IPO11: variants seen among roughly 807,000 people sequenced by gnomAD.
IPO11 encodes the protein importin 11, also known as importin-11.
A neutral mutation model predicts 143.2 loss-of-function variants in IPO11; 66 were observed. The observed-to-expected ratio is 0.46, with a 90% confidence interval of 0.38 to 0.57. The LOEUF is 0.57. Ranked by LOEUF, IPO11 falls within the 20% of genes least tolerant of loss-of-function variation. The probability of loss-of-function intolerance (pLI) is 0.00; values close to 1 mark genes in which losing one functional copy is unlikely to be tolerated. For missense variants in IPO11, 1,026 were observed against 1,141.0 expected (o/e 0.90, Z 1.45); for synonymous variants, 385 against 377.8 (o/e 1.02, Z -0.22).
intron 5 of IPO11, among the ~76,000 whole-genome samples, chr5:62,462,869 G>A (rs762639234): frequency 2.0e-5 from 3 of 148,730 alleles, no homozygotes; most frequent in Non-Finnish European, 4.4e-5. Context: ...CTAGGGGATA[G>A]TTACTGTCAC....
chr5:62,586,768 A>AAAAATATATATATATATATAT (rs1554057003), intron 27 of IPO11, among the ~76,000 whole-genome samples: 1 of 28,918 alleles, frequency 3.5e-5, no homozygotes, highest in African/African-American at 1.3e-4. Flanking sequence ...AAAAAAAAAA[A>AAAAATATATATATATATATAT]ATATATATAT....
intron 19 of IPO11, among the ~76,000 whole-genome samples, chr5:62,510,484 C>A (rs1449617777): frequency 6.6e-6 from 1 of 152,116 alleles, no homozygotes; most frequent in East Asian, 1.9e-4. Flanking sequence ...GAATATTAGA[C>A]CTCTCCTTCT....
At chr5:62,580,020 G>A in intron 27 of IPO11, 1 of 1,551,186 alleles carries the variant, frequency 6.4e-7, no homozygotes, top group Non-Finnish European at 8.7e-7. Flanking sequence ...ACATTTTGAG[G>A]ATATCAGAAT....
At chr5:62,578,257 T>A (rs1373077396) in intron 27 of IPO11, among the ~76,000 whole-genome samples, 1 of 152,102 alleles carries the variant, frequency 6.6e-6, no homozygotes, top group Non-Finnish European at 1.5e-5. Flanking sequence ...CAGTATTTTT[T>A]GCAACCAAAA....
intron 23 of IPO11, 43 bp downstream of exon 23, chr5:62,536,824 T>C: frequency 7.2e-7 from 1 of 1,396,234 alleles, no homozygotes; most frequent in Non-Finnish European, 9.4e-7. Context: ...TATATAATTA[T>C]TATTTTGATT....
At chr5:62,500,706 C>T (rs946432415) in intron 16 of IPO11, among the ~76,000 whole-genome samples, 1 of 152,114 alleles carries the variant, frequency 6.6e-6, no homozygotes, top group African/African-American at 2.4e-5. Flanking sequence ...CTATGTTGCC[C>T]AGGCTGCTCT....
At chr5:62,436,672 T>G (rs1045458415) in intron 1 of IPO11, among the ~76,000 whole-genome samples, 2 of 152,212 alleles carry the variant, frequency 1.3e-5, no homozygotes, top group Admixed American at 6.5e-5. Context: ...ACTTAGGTTT[T>G]AGATTTTTGT....
rs1159526085 is a variant in IPO11 at position 62,628,249 on chromosome 5, G to T, written c.*931G>T. 1 of 152,326 alleles carries T rather than the reference G, an allele frequency of 6.6e-6. No individual in the cohort carries two copies. Among genetic ancestry groups the T allele is most frequent in the Non-Finnish European group, 1.5e-5 (1 of 68,028 alleles). 9.4% of individuals were successfully genotyped at this position (152,326 alleles called of 1,614,324 possible). ...GGGAGGATCCAGCAGTAATCCCCAG[G>T]GTACTAGGATTACTAGTACTCTGAT... On this transcript the variant is annotated 3_prime_UTR_variant, in exon 30 of 30. Transcript: ENST00000325324.
intron 9 of IPO11, among the ~76,000 whole-genome samples, chr5:62,477,699 T>A (rs1746009531): frequency 6.6e-6 from 1 of 152,260 alleles, no homozygotes; most frequent in Non-Finnish European, 1.5e-5. Context: ...TCACAGTCCC[T>A]ACTCACTATA....
intron 15 of IPO11, among the ~76,000 whole-genome samples, chr5:62,492,278 C>T (rs1457098274): frequency 2.6e-5 from 4 of 151,798 alleles, no homozygotes; most frequent in Non-Finnish European, 5.9e-5. Flanking sequence ...TTCTTTGGTG[C>T]TTTTACCTCA....
At chr5:62,517,979 A>G (rs1742082457) in intron 20 of IPO11, among the ~76,000 whole-genome samples, 1 of 151,990 alleles carries the variant, frequency 6.6e-6, no homozygotes, top group African/African-American at 2.4e-5. Flanking sequence ...CTTAAAATAT[A>G]TTTTTCAGCC....
intron 1 of IPO11, among the ~76,000 whole-genome samples, chr5:62,436,892 T>C (rs1173086351): frequency 6.6e-6 from 1 of 152,232 alleles, no homozygotes. Flanking sequence ...TTTAATACTT[T>C]TATAACACTT....
rs1170364787 is a variant in IPO11, at chr5:62,551,252, T to C, written c.2376T>C (p.Leu792=). 1.9e-6 allele frequency: 3 copies of C among 1,608,772 alleles called. No homozygotes were observed. Among genetic ancestry groups the C allele is most frequent in the Non-Finnish European group, 2.6e-6 (3 of 1,176,312 alleles). ...ERYPVVMSTY[L]GVMGRVLLQN... is the part of the protein sequence containing the mutation. ...ATCCTGTAGTGATGTCCACGTATCT[T>C]GGAGTTATGGGTCGAGTTCTACTAC... The change falls in exon 26 of 30, where the codon CTT becomes CTC. Residue 792 remains leucine (L), a synonymous_variant. Coordinates refer to ENST00000325324, the MANE Select transcript of IPO11 (RefSeq NM_016338.5).
chr5:62,550,128 G>T (rs1743342153), intron 24 of IPO11, among the ~76,000 whole-genome samples: 1 of 152,154 alleles, frequency 6.6e-6, no homozygotes, highest in Non-Finnish European at 1.5e-5. Context: ...ATTAAATACA[G>T]TTGTATGCAA....
At chr5:62,478,319 C>T (rs534171188) in intron 9 of IPO11, among the ~76,000 whole-genome samples, 1 of 152,166 alleles carries the variant, frequency 6.6e-6, no homozygotes, top group South Asian at 2.1e-4. Flanking sequence ...GCACATGCCA[C>T]CACGCCCAGC....
At chr5:62,572,319 C>A (rs981871325) in intron 27 of IPO11, among the ~76,000 whole-genome samples, 1 of 152,150 alleles carries the variant, frequency 6.6e-6, no homozygotes, top group Non-Finnish European at 1.5e-5. Flanking sequence ...TATCATTCTT[C>A]TGTCCTTTCT....
At chr5:62,520,421 C>T (rs1377155070) in intron 20 of IPO11, among the ~76,000 whole-genome samples, 4 of 151,882 alleles carry the variant, frequency 2.6e-5, no homozygotes, top group African/African-American at 9.7e-5. Flanking sequence ...ATGTGCACAA[C>T]GTGCAGGTTT....
intron 3 of IPO11, 42 bp from the exon 4 acceptor site, chr5:62,449,885 G>T (rs759924272): frequency 2.4e-6 from 3 of 1,226,272 alleles, no homozygotes; most frequent in South Asian, 1.5e-5. Flanking sequence ...TTATTATTAG[G>T]TGGCATTCTT....
chr5:62,599,433 T>G (rs1745416082), intron 28 of IPO11, among the ~76,000 whole-genome samples: 1 of 152,232 alleles, frequency 6.6e-6, no homozygotes, highest in African/African-American at 2.4e-5. Flanking sequence ...AAAATACTGT[T>G]TATCAGCGCT....
Sources: gnomAD v4.1 joint callset for allele counts (sites outside exome capture counted in the v4.1 genomes callset) on GRCh38, gnomAD v4.1.1 for gene constraint, MANE v1.5 for transcripts, NCBI Gene and HGNC (gene_info 2026-07-23, HGNC 2026-07-21) for gene names.